FBXL5: variants seen among roughly 807,000 people sequenced by gnomAD.
The protein encoded by FBXL5 is F-box/LRR-repeat protein 5.
In FBXL5, 26 loss-of-function variants were observed where a neutral mutation model predicts 78.3. The ratio of observed to expected loss-of-function variants is 0.33; its 90% CI spans 0.24 to 0.46. FBXL5 has a LOEUF of 0.46. FBXL5 is among the 20% of genes least tolerant of loss of function. FBXL5 has a pLI of 1.00. For missense variants in FBXL5, 710 were observed against 829.2 expected, an observed-to-expected ratio of 0.86 and a Z score of 1.77; for synonymous variants, 295 against 282.5, an observed-to-expected ratio of 1.04 and a Z score of -0.45.
At chr4:15,620,874 A>G (rs1712407071) in intron 9 of FBXL5, among the ~76,000 whole-genome samples, 1 of 152,264 alleles carries the variant, frequency 6.6e-6, no homozygotes, top group Non-Finnish European at 1.5e-5. Context: ...TTCCTGCTGC[A>G]GTTAACTAGC....
At chr4:15,611,448 C>A (rs1385918373) in intron 10 of FBXL5, among the ~76,000 whole-genome samples, 3 of 152,012 alleles carry the variant, frequency 2.0e-5, no homozygotes, top group Non-Finnish European at 4.4e-5. Context: ...ACATAGTAGT[C>A]TGAGCCATCT....
Position 15,645,711 on chromosome 4 carries a change from G to A in FBXL5, c.85-1003C>T, listed in dbSNP as rs184620835. On this transcript the variant is annotated intron_variant, in intron 1 of 10. Transcript: ENST00000341285. Reference sequence around the variant, plus strand: ...CAAAGTGCTGGGATTACAGGTATAAGCTACCACGCCCGGCCTACTTTTCTT... The same window carrying A: ...CAAAGTGCTGGGATTACAGGTATAAACTACCACGCCCGGCCTACTTTTCTT... 1.1e-4 allele frequency among the ~76,000 whole-genome samples: 16 copies of A among 152,294 alleles called. 1 individual carries two copies. Among genetic ancestry groups the A allele is most frequent in the Admixed American group, 2.0e-4 (3 of 15,300 alleles).
At chr4:15,672,831 T>C (rs1417557791) in intron 1 of FBXL5, among the ~76,000 whole-genome samples, 1 of 152,228 alleles carries the variant, frequency 6.6e-6, no homozygotes, top group Non-Finnish European at 1.5e-5. Flanking sequence ...GACTCTCTTG[T>C]AATAACATTT....
At chr4:15,659,456 T>G (rs187783525), upstream of FBXL5, among the ~76,000 whole-genome samples, 4 of 152,318 alleles carry the variant, frequency 2.6e-5, 1 homozygote. Context: ...CTGGGTAAGA[T>G]TCAGTTCTGG....
At chr4:15,627,788 G>C (rs1713218183) in intron 7 of FBXL5, 97 bp downstream of exon 7, 4 of 1,145,954 alleles carry the variant, frequency 3.5e-6, no homozygotes, top group African/African-American at 1.7e-5. Context: ...AATCATTTTT[G>C]GGTTTGTTTC....
rs532600890 is a variant in FBXL5 at position 15,640,698 on chromosome 4, T to G, written c.396+90A>C. 100 of 623,736 alleles carry G rather than the reference T, an allele frequency of 1.6e-4. No homozygotes were observed. The Middle Eastern group carries it at 2.3e-3, about 15-fold the overall frequency. 38.6% of individuals were successfully genotyped at this position (623,736 alleles called of 1,614,324 possible). A position where few individuals can be genotyped will look rare whatever the true frequency, so the allele number is the denominator to read the frequency against. On this transcript the variant is annotated intron_variant, in intron 3 of 10. Coordinates refer to ENST00000341285, the MANE Select transcript of FBXL5 (RefSeq NM_012161.4). ...CTTCTCTCCATCAACCAGATACATC[T>G]TCCTATGCATTATTTTGAAGAGTCT...
intron 1 of FBXL5, among the ~76,000 whole-genome samples, chr4:15,670,006 A>G (rs1717694772): frequency 6.6e-6 from 1 of 152,238 alleles, no homozygotes; most frequent in Non-Finnish European, 1.5e-5. Context: ...AAAGAAATAA[A>G]ATTAGAGCTA....
chr4:15,619,178 C>T (rs967698592), intron 9 of FBXL5, among the ~76,000 whole-genome samples: 24 of 152,026 alleles, frequency 1.6e-4, no homozygotes, highest in African/African-American at 5.6e-4. Flanking sequence ...AAAACCTCTT[C>T]CCAAACACGT....
intron 1 of FBXL5, among the ~76,000 whole-genome samples, chr4:15,676,932 C>T (rs766569954): frequency 1.3e-5 from 2 of 152,070 alleles, no homozygotes; most frequent in Admixed American, 6.5e-5. Flanking sequence ...AAAGTAGTCA[C>T]GAATGGCCCA....
At chr4:15,648,179 A>T (rs918368143) in intron 1 of FBXL5, among the ~76,000 whole-genome samples, 3 of 152,206 alleles carry the variant, frequency 2.0e-5, no homozygotes, top group African/African-American at 7.2e-5. Context: ...TTAATAAGTT[A>T]ATATAAAGAA....
In FBXL5 at chr4:15,605,710, C is replaced by T. The variant is rs761469494; in HGVS notation, c.*13G>A. 8.7e-6 allele frequency: 14 copies of T among 1,611,824 alleles called. No homozygotes were observed. Among genetic ancestry groups the T allele is most frequent in the African/African-American group, 1.3e-5 (1 of 74,868 alleles). ...TCAGCTAAATGAAGTAGACAAAGAT[C>T]AGAAGTCAAGGGTCATTCGCCAGAG... is the stretch of plus-strand genomic sequence containing the variant. On this transcript the variant is annotated 3_prime_UTR_variant, in exon 11 of 11. Transcript: ENST00000341285.
At position 15,644,719 on chromosome 4, in the gene FBXL5, A is replaced by C; in HGVS notation, c.85-11T>G. ...ATTGGTTTTAGAAAGCTGAATAAAA[A>C]TTTAAAAAGAAAAGTGTAATAAATA... On this transcript the variant is annotated splice_polypyrimidine_tract_variant and intron_variant, in intron 1 of 10. Transcript: ENST00000341285. 1 of 1,580,294 alleles carries C rather than the reference A, an allele frequency of 6.3e-7. No individual in the cohort carries two copies. The highest frequency in any genetic ancestry group is 8.6e-7 in the Non-Finnish European group (1 of 1,163,434).
At chr4:15,675,645 C>T (rs142672092) in intron 1 of FBXL5, among the ~76,000 whole-genome samples, 1 of 144,794 alleles carries the variant, frequency 6.9e-6, no homozygotes, top group East Asian at 2.1e-4. Flanking sequence ...GCAATGGCGC[C>T]ATCTCAGCTC....
chr4:15,669,798 A>C (rs115005971), intron 1 of FBXL5, among the ~76,000 whole-genome samples: 4,975 of 152,280 alleles, frequency 0.033, 113 homozygotes, highest in South Asian at 0.093. Context: ...GACAATATCT[A>C]AGTAATAATA....
chr4:15,667,940 T>C (rs1577513948), intron 1 of FBXL5, among the ~76,000 whole-genome samples: 2 of 150,584 alleles, frequency 1.3e-5, no homozygotes, highest in Admixed American at 6.6e-5. Context: ...ACTCGGGAGG[T>C]TGTGGGAGGA....
intron 1 of FBXL5, among the ~76,000 whole-genome samples, chr4:15,677,155 A>G (rs1718024402): frequency 6.6e-6 from 1 of 152,208 alleles, no homozygotes; most frequent in African/African-American, 2.4e-5. Flanking sequence ...TGGGAAGCAG[A>G]GGAAATATAT....
At chr4:15,648,135 G>A (rs1577475706) in intron 1 of FBXL5, among the ~76,000 whole-genome samples, 1 of 152,226 alleles carries the variant, frequency 6.6e-6, no homozygotes, top group Middle Eastern at 3.4e-3. Context: ...GAGATTATAG[G>A]CACAAGCCAC....
intron 1 of FBXL5, among the ~76,000 whole-genome samples, chr4:15,646,299 A>T (rs747352551): frequency 3.3e-5 from 5 of 152,178 alleles, no homozygotes; most frequent in Non-Finnish European, 7.4e-5. Context: ...AAAATGTAAA[A>T]GTGATGCTTG....
intron 5 of FBXL5, among the ~76,000 whole-genome samples, chr4:15,633,770 T>G (rs937405545): frequency 1.3e-5 from 2 of 152,164 alleles, no homozygotes; most frequent in Non-Finnish European, 2.9e-5. Context: ...TTTATTTGTA[T>G]TTGTATTTTA....
Sources: gnomAD v4.1 joint callset for allele counts (sites outside exome capture counted in the v4.1 genomes callset) on GRCh38, gnomAD v4.1.1 for gene constraint, MANE v1.5 for transcripts, NCBI Gene and HGNC (gene_info 2026-07-23, HGNC 2026-07-21) for gene names.